TEX2: variants seen among roughly 807,000 people sequenced by gnomAD.
TEX2 encodes testis-expressed protein 2.
In TEX2, 53 loss-of-function variants were observed where a neutral mutation model predicts 106.9. The observed-to-expected ratio is 0.50, with a 90% CI of 0.40 to 0.62. The LOEUF is 0.62. Ranked by LOEUF, TEX2 falls within the 20% of genes least tolerant of loss-of-function variation. TEX2 has a pLI of 0.00. For missense variants in TEX2, 1,207 were observed against 1,379.0 expected (o/e 0.88, Z 1.98); for synonymous variants, 523 against 534.8 (o/e 0.98, Z 0.30).
intron 1 of TEX2, among the ~76,000 whole-genome samples, chr17:64,234,241 T>C (rs1270230187): frequency 6.6e-6 from 1 of 152,224 alleles, no homozygotes; most frequent in Non-Finnish European, 1.5e-5. Context: ...CTGGAGGTGC[T>C]ATAAACCTGA....
intron 2 of TEX2, among the ~76,000 whole-genome samples, chr17:64,211,801 T>G (rs1489156097): frequency 6.6e-6 from 1 of 152,216 alleles, no homozygotes; most frequent in South Asian, 2.1e-4. Context: ...TGTACTTTTA[T>G]AGTGTGTATA....
Position 64,197,282 on chromosome 17 carries a change from T to A in TEX2, c.1645-2187A>T, listed in dbSNP as rs1041742899. On this transcript the variant is annotated intron_variant, in intron 2 of 11. Transcript: ENST00000584379. ...TTCCTTGCAGAAAGGTCCCAAACTATGAATTCAATTTCTTTACTTGCTATT... is the reference window on the plus strand; with the variant it reads ...TTCCTTGCAGAAAGGTCCCAAACTAAGAATTCAATTTCTTTACTTGCTATT... 3.9e-5 allele frequency among the ~76,000 whole-genome samples: 6 copies of A among 152,216 alleles called. No homozygotes were observed. The East Asian group carries it at 1.2e-3, about 29-fold the overall frequency.
chr17:64,171,409 G>C (rs1290910838), intron 6 of TEX2, among the ~76,000 whole-genome samples: 2 of 152,120 alleles, frequency 1.3e-5, no homozygotes, highest in African/African-American at 4.8e-5. Flanking sequence ...GGCTCTCACG[G>C]GGTTTATAAT....
chr17:64,251,013 A>G (rs1338035366), intron 1 of TEX2, among the ~76,000 whole-genome samples: 2 of 152,194 alleles, frequency 1.3e-5, no homozygotes, highest in African/African-American at 4.8e-5. Context: ...TCATAAAAGG[A>G]AATGCTTTCC....
chr17:64,177,947 G>A (rs545972177), intron 5 of TEX2, among the ~76,000 whole-genome samples: 2 of 152,146 alleles, frequency 1.3e-5, no homozygotes, highest in African/African-American at 4.8e-5. Context: ...AAATATTCCC[G>A]GGATGCTTAA....
At chr17:64,198,028 C>T (rs2032535362) in intron 2 of TEX2, among the ~76,000 whole-genome samples, 1 of 151,962 alleles carries the variant, frequency 6.6e-6, no homozygotes, top group South Asian at 2.1e-4. Context: ...GCTTAATTTC[C>T]AAATATTTGA....
chr17:64,171,949 C>T (rs1288341475), intron 6 of TEX2, among the ~76,000 whole-genome samples: 3 of 149,828 alleles, frequency 2.0e-5, no homozygotes, highest in Admixed American at 2.0e-4. Flanking sequence ...CACTGCACCC[C>T]AGCCTGGAGG....
intron 1 of TEX2, among the ~76,000 whole-genome samples, chr17:64,222,248 C>T (rs1204812053): frequency 2.0e-5 from 3 of 151,984 alleles, no homozygotes; most frequent in African/African-American, 7.3e-5. Flanking sequence ...TGGTCAGGCG[C>T]GGTGGCTCAC....
Position 64,195,166 on chromosome 17 carries a change from A to G in TEX2, c.1645-71T>C, listed in dbSNP as rs190207296. The G allele has an allele frequency of 4.8e-6, 7 of 1,454,976 alleles. No individual in the cohort carries two copies. The Admixed American group carries it at 1.3e-4, about 26-fold the overall frequency. The allele number at this position is 1,454,976 out of a possible 1,614,324, so 90.1% of individuals were successfully genotyped here. On this transcript the variant is annotated intron_variant, in intron 2 of 11. Coordinates refer to ENST00000584379, the MANE Select transcript of TEX2 (RefSeq NM_001288732.2). This position sits in a 1 kb window ranked among gnomAD's most constrained non-coding sequence, Gnocchi z 4.1. ...TCTGATTTAGTGTGAAATGATGAACACTGTGGTATTTGGGACACTGAAACC... is the reference window on the plus strand; with the variant it reads ...TCTGATTTAGTGTGAAATGATGAACGCTGTGGTATTTGGGACACTGAAACC...
In TEX2 at chr17:64,189,626, C is replaced by T. The variant is rs974570666; in HGVS notation, c.2177-1211G>A. 9.2e-5 allele frequency among the ~76,000 whole-genome samples: 14 copies of T among 152,214 alleles called. No individual in the cohort carries two copies. The East Asian group carries it at 2.5e-3, about 27-fold the overall frequency. On this transcript the variant is annotated intron_variant, in intron 4 of 11. Transcript: ENST00000584379. ...CGCCAGAGGTTTTAAGCATGGGATG[C>T]GCCTGATGCTAACAATTTTATTTAG...
chr17:64,212,793 C>T lies in TEX2; in HGVS notation c.1425G>A (p.Thr475=), dbSNP rs1555631771. The T allele has an allele frequency of 4.3e-6, 7 of 1,614,110 alleles. No individual in the cohort carries two copies. Among genetic ancestry groups the T allele is most frequent in the Admixed American group, 1.7e-5 (1 of 60,006 alleles). The change falls in exon 2 of 12, where the codon ACG becomes ACA. Residue 475 remains threonine, a synonymous_variant. Coordinates refer to ENST00000584379, the MANE Select transcript of TEX2 (RefSeq NM_001288732.2). ...AGACACACATTATAAAGAAGCCCAA[C>T]GTCTTCACTGGCAATTCCGGGTGCT... ...AVQHPELPVK[T]LGFFIMCVYV...
chr17:64,252,762 G>A (rs1031356250), intron 1 of TEX2, among the ~76,000 whole-genome samples: 2 of 152,202 alleles, frequency 1.3e-5, no homozygotes, highest in East Asian at 1.9e-4. Flanking sequence ...GGTATATAAC[G>A]CGGAGCAAAA....
intron 2 of TEX2, among the ~76,000 whole-genome samples, chr17:64,199,160 G>T (rs1185916649): frequency 6.6e-6 from 1 of 152,194 alleles, no homozygotes; most frequent in Admixed American, 6.5e-5. Flanking sequence ...ATGCAGACTT[G>T]TCCAGGGAGG....
chr17:64,239,952 AC>A (rs1382747703), intron 1 of TEX2, among the ~76,000 whole-genome samples: 2 of 150,406 alleles, frequency 1.3e-5, no homozygotes, highest in Non-Finnish European at 3.0e-5. Context: ...TAAGTTCCTT[AC>A]CAGGCCACAA....
intron 1 of TEX2, among the ~76,000 whole-genome samples, chr17:64,243,495 A>C (rs1239215872): frequency 2.0e-5 from 3 of 152,184 alleles, no homozygotes; most frequent in Non-Finnish European, 4.4e-5. Flanking sequence ...ATCTTTTGGA[A>C]GCACTACTGT....
At chr17:64,246,125 C>T (rs2033983641) in intron 1 of TEX2, among the ~76,000 whole-genome samples, 1 of 152,216 alleles carries the variant, frequency 6.6e-6, no homozygotes, top group East Asian at 1.9e-4. Flanking sequence ...CTGACCTCCT[C>T]CTGAGCACTA....
Position 64,243,808 on chromosome 17 carries a change from CT to C in TEX2, c.-26+19359del, listed in dbSNP as rs782115456. Among the ~76,000 whole-genome samples, 903 of 134,424 alleles carry C rather than the reference CT, an allele frequency of 6.7e-3. 6 individuals carry two copies. The highest frequency in any genetic ancestry group is 0.019 in the African/African-American group (701 of 36,736). The allele number at this position is 134,424 out of a possible 152,430, so 88.2% of individuals were successfully genotyped here. The stretch of plus-strand genomic sequence containing the variant: ...TGTCCCAAAAGAAGTTAAAACACCA[CT>C]TTTTTTTTTTTTTTTTTGAGATGGA... On this transcript the variant is annotated intron_variant, in intron 1 of 11. Transcript: ENST00000584379.
intron 1 of TEX2, among the ~76,000 whole-genome samples, chr17:64,255,517 A>G (rs1555637557): frequency 6.6e-6 from 1 of 152,254 alleles, no homozygotes; most frequent in African/African-American, 2.4e-5. Flanking sequence ...AAATTGAGTA[A>G]TAGATGCCTG....
chr17:64,252,185 A>G (rs1555637085), intron 1 of TEX2, among the ~76,000 whole-genome samples: 1 of 152,154 alleles, frequency 6.6e-6, no homozygotes, highest in Non-Finnish European at 1.5e-5. Context: ...GGCATGGAAC[A>G]TGGTTTCTCA....
Sources: allele counts gnomAD v4.1 joint callset (sites outside exome capture counted in the v4.1 genomes callset), GRCh38; gene constraint gnomAD v4.1.1; non-coding constraint Gnocchi (gnomAD v3.1); transcripts MANE v1.5; gene names NCBI Gene and HGNC (gene_info 2026-07-23, HGNC 2026-07-21).